KCNIP4: variants seen among roughly 807,000 people sequenced by gnomAD.
KCNIP4 encodes potassium voltage-gated channel interacting protein 4, also known as Kv channel-interacting protein 4.
A neutral mutation model predicts 34.0 loss-of-function variants in KCNIP4; 12 were observed. That is an observed-to-expected ratio of 0.35 (90% CI 0.23 to 0.57). The LOEUF is 0.57. Ranked by LOEUF, KCNIP4 falls within the 20% of genes least tolerant of loss-of-function variation. KCNIP4 has a pLI of 0.83. For synonymous variants in KCNIP4, 124 were observed against 102.2 expected (o/e 1.21, Z -1.29); for missense variants, 238 against 311.7 (o/e 0.76, Z 1.78).
chr4:21,844,786 A>G (rs1723905497), intron 1 of KCNIP4: 1 of 152,068 alleles, frequency 6.6e-6, no homozygotes, highest in Non-Finnish European at 1.5e-5. Context: ...ATTATTAAAT[A>G]CATGTGTTCT....
chr4:20,999,183 A>G (rs1418795131), intron 1 of KCNIP4, among the ~76,000 whole-genome samples: 1 of 152,172 alleles, frequency 6.6e-6, no homozygotes, highest in Non-Finnish European at 1.5e-5. Flanking sequence ...TTACTTATAG[A>G]GCAAACAGTG....
At chr4:21,023,712 C>A (rs73099846) in intron 1 of KCNIP4, among the ~76,000 whole-genome samples, 25,718 of 151,850 alleles carry the variant, frequency 0.17, 2,407 homozygotes, top group African/African-American at 0.24. Flanking sequence ...GAGACCCTAT[C>A]TCTACAAAAA....
chr4:20,757,742 C>T (rs1460063540), intron 4 of KCNIP4, among the ~76,000 whole-genome samples: 1 of 152,164 alleles, frequency 6.6e-6, no homozygotes, highest in African/African-American at 2.4e-5. Context: ...ATCAAACTCT[C>T]TGCACCTTAG....
At position 21,483,416 on chromosome 4, in the gene KCNIP4, C is replaced by T. The variant is rs549053499; in HGVS notation, c.61+465155G>A. On this transcript the variant is annotated intron_variant, in intron 1 of 8. Transcript: ENST00000382152. ...GGGGCCTGGTGGGAGGTGATTGAAT[C>T]ATGGGGGGAGTTTCCAACGATTTAG... is the stretch of plus-strand genomic sequence containing the variant. Among the ~76,000 whole-genome samples, 39 of 152,086 alleles carry T rather than the reference C, an allele frequency of 2.6e-4. 1 individual carries two copies. In the East Asian group the frequency reaches 7.6e-3, roughly 30 times the overall value.
At chr4:21,281,420 C>A (rs1762768339) in intron 1 of KCNIP4, among the ~76,000 whole-genome samples, 1 of 152,112 alleles carries the variant, frequency 6.6e-6, no homozygotes, top group Non-Finnish European at 1.5e-5. Flanking sequence ...TGCAGTAACA[C>A]TGCACTGGAA....
At chr4:21,922,253 G>A (rs1204137085) in intron 1 of KCNIP4, among the ~76,000 whole-genome samples, 1 of 152,128 alleles carries the variant, frequency 6.6e-6, no homozygotes, top group African/African-American at 2.4e-5. Flanking sequence ...CTTGGCCCAT[G>A]ATGCTGCTTT....
chr4:21,365,972 A>G (rs1719728202), intron 1 of KCNIP4, among the ~76,000 whole-genome samples: 2 of 152,216 alleles, frequency 1.3e-5, no homozygotes, highest in Non-Finnish European at 2.9e-5. Context: ...CAAACTATGA[A>G]TAAGTGATTA....
intron 1 of KCNIP4, among the ~76,000 whole-genome samples, chr4:21,473,982 G>A (rs1730692166): frequency 6.6e-6 from 1 of 152,096 alleles, no homozygotes; most frequent in African/African-American, 2.4e-5. Flanking sequence ...CCAAAGTGCT[G>A]ACATTACAGG....
intron 1 of KCNIP4, among the ~76,000 whole-genome samples, chr4:21,661,563 C>A (rs1211660652): frequency 1.3e-5 from 2 of 152,164 alleles, no homozygotes; most frequent in South Asian, 4.1e-4. Flanking sequence ...TCTCCCATTT[C>A]AATTTGAATA....
At chr4:21,619,326 A>G (rs1445051694) in intron 1 of KCNIP4, among the ~76,000 whole-genome samples, 7 of 152,262 alleles carry the variant, frequency 4.6e-5, no homozygotes, top group Non-Finnish European at 1.0e-4. Flanking sequence ...ATTTGAATGT[A>G]GAAATAGCTT....
At chr4:21,231,455 C>T (rs11944859) in intron 1 of KCNIP4, among the ~76,000 whole-genome samples, 33,098 of 151,932 alleles carry the variant, frequency 0.22, 6,164 homozygotes, top group African/African-American at 0.51. Flanking sequence ...GAATGAGTAG[C>T]GTTACTTTTT....
At chr4:21,048,066 T>C (rs1742590706) in intron 1 of KCNIP4, among the ~76,000 whole-genome samples, 1 of 152,222 alleles carries the variant, frequency 6.6e-6, no homozygotes. Context: ...TCTACAACTG[T>C]GCACCTATCT....
At chr4:21,121,224 C>T (rs1750130676) in intron 1 of KCNIP4, among the ~76,000 whole-genome samples, 1 of 152,184 alleles carries the variant, frequency 6.6e-6, no homozygotes, top group Non-Finnish European at 1.5e-5. Context: ...CCCTTTGCCC[C>T]ACTGCTGTCC....
At chr4:21,489,321 G>GAAA (rs529825719) in intron 1 of KCNIP4, among the ~76,000 whole-genome samples, 9 of 125,510 alleles carry the variant, frequency 7.2e-5, no homozygotes, top group South Asian at 5.4e-4. Context: ...ACATAGAGTT[G>GAAA]AAAAAAAAAA....
intron 7 of KCNIP4, 53 bp downstream of exon 7, chr4:20,732,628 C>G (rs1748602198): frequency 8.7e-7 from 1 of 1,153,184 alleles, no homozygotes; most frequent in Admixed American, 1.7e-5. Context: ...TGGCAAACAT[C>G]AGGAAATTTT....
chr4:20,798,524 T>A (rs1032658838), intron 3 of KCNIP4, among the ~76,000 whole-genome samples: 1 of 126,730 alleles, frequency 7.9e-6, no homozygotes, highest in African/African-American at 2.8e-5. Context: ...GACACACACA[T>A]ACACACACAC....
chr4:21,866,082 G>A (rs923566273), intron 1 of KCNIP4, among the ~76,000 whole-genome samples: 2 of 152,064 alleles, frequency 1.3e-5, no homozygotes, highest in Non-Finnish European at 1.5e-5. Flanking sequence ...TGATTGCCAC[G>A]GCTGCACTGT....
intron 1 of KCNIP4, among the ~76,000 whole-genome samples, chr4:21,781,903 T>G (rs1719596060): frequency 6.6e-6 from 1 of 152,142 alleles, no homozygotes; most frequent in East Asian, 1.9e-4. Context: ...AACTAATGCA[T>G]ATATAGTTTA....
chr4:21,338,264 CAAA>C (rs869150288), intron 1 of KCNIP4, among the ~76,000 whole-genome samples: 22 of 50,024 alleles, frequency 4.4e-4, no homozygotes, highest in East Asian at 1.8e-3. Context: ...GACTCCTTCT[CAAA>C]AAAAAAAAAA....
Sources: gnomAD v4.1 joint callset for allele counts (sites outside exome capture counted in the v4.1 genomes callset) on GRCh38, gnomAD v4.1.1 for gene constraint, MANE v1.5 for transcripts, NCBI Gene and HGNC (gene_info 2026-07-23, HGNC 2026-07-21) for gene names.